The following PDE10A variants were observed in gnomAD, a reference collection of about 807,000 sequenced individuals.
The protein encoded by PDE10A is cAMP and cAMP-inhibited cGMP 3',5'-cyclic phosphodiesterase 10A.
In PDE10A, 39 loss-of-function variants were observed where a neutral mutation model predicts 97.7. The ratio of observed to expected loss-of-function variants is 0.40; its 90% CI spans 0.31 to 0.52. The LOEUF is 0.52. Among genes scored for constraint, PDE10A ranks in the 20% least tolerant of loss-of-function variants. The pLI is 0.56. For synonymous variants in PDE10A, 371 were observed against 376.8 expected, an observed-to-expected ratio of 0.98 and a Z score of 0.18; for missense variants, 731 against 1,047.8, an observed-to-expected ratio of 0.70 and a Z score of 4.17.
chr6:165,490,939 A>G (rs371371587), intron 2 of PDE10A, among the ~76,000 whole-genome samples: 2 of 152,206 alleles, frequency 1.3e-5, no homozygotes, highest in Non-Finnish European at 2.9e-5. Flanking sequence ...TGGGGCACAG[A>G]GCAAGACCCA....
intron 1 of PDE10A, among the ~76,000 whole-genome samples, chr6:165,701,647 A>ATGTGTGTGTG (rs59041111): frequency 1.1e-4 from 17 of 149,686 alleles, no homozygotes; most frequent in African/African-American, 2.5e-4. Context: ...CTCTTCATGT[A>ATGTGTGTGTG]TGTGTGTGTG....
In PDE10A at chr6:165,329,696, C is replaced by CA; in HGVS notation, c.*3328dup. 6.6e-6 allele frequency: 1 copy of CA among 151,956 alleles called. No individual in the cohort carries two copies. Among genetic ancestry groups the CA allele is most frequent in the South Asian group, 2.1e-4 (1 of 4,814 alleles). 9.4% of individuals were successfully genotyped at this position (151,956 alleles called of 1,614,324 possible). On this transcript the variant is annotated 3_prime_UTR_variant, in exon 22 of 22. Coordinates refer to ENST00000539869, the MANE Select transcript of PDE10A (RefSeq NM_001385079.1). ...ATGAAAAAAAATCTAAAAAGCATGC[C>CA]AAAAAAGAGGAAATCTATTATTGAA...
chr6:165,656,293 CA>C (rs1358014942), intron 1 of PDE10A, among the ~76,000 whole-genome samples: 7 of 136,918 alleles, frequency 5.1e-5, no homozygotes, highest in Non-Finnish European at 9.3e-5. Flanking sequence ...CACACACACA[CA>C]CACCTTTCCA....
In PDE10A at chr6:165,973,642, G is replaced by A. The variant is rs936330786; in HGVS notation, c.-615+13887C>T. 9.9e-5 allele frequency among the ~76,000 whole-genome samples: 15 copies of A among 152,184 alleles called. No homozygotes were observed. In the East Asian group the frequency reaches 1.7e-3, roughly 18 times the overall value. On this transcript the variant is annotated intron_variant, in intron 1 of 19. Coordinates refer to the PDE10A transcript ENST00000366882. ...TCTGAAGATGGCTGTGATCGCTGAA[G>A]AGGCCCCAGGGAAGAGGCAGACAGA...
At chr6:165,943,295 G>GAAGGAAGGAAAGAAAGAA (rs1562810039) in intron 1 of PDE10A, among the ~76,000 whole-genome samples, 1,376 of 54,668 alleles carry the variant, frequency 0.025, 305 homozygotes, top group African/African-American at 0.11. Context: ...AAGAAAGAAG[G>GAAGGAAGGAAAGAAAGAA]AAAGAAAGAA....
At chr6:165,985,803 C>T (rs1305888043) in intron 1 of PDE10A, among the ~76,000 whole-genome samples, 1 of 152,174 alleles carries the variant, frequency 6.6e-6, no homozygotes, top group Non-Finnish European at 1.5e-5. Context: ...AGTCAGCTGT[C>T]CCCAGTCAAT....
At chr6:165,638,988 T>C (rs1464058607) in intron 1 of PDE10A, among the ~76,000 whole-genome samples, 2 of 151,770 alleles carry the variant, frequency 1.3e-5, no homozygotes, top group African/African-American at 2.4e-5. Context: ...TTCACATTCA[T>C]TATTTCATCT....
chr6:165,331,641 G>C lies in PDE10A; in HGVS notation c.*1384C>G, dbSNP rs1781347312. 1 of 152,182 alleles carries C rather than the reference G, an allele frequency of 6.6e-6. No homozygotes were observed. The highest frequency in any genetic ancestry group is 2.4e-5 in the African/African-American group (1 of 41,440). 9.4% of individuals were successfully genotyped at this position (152,182 alleles called of 1,614,324 possible). On this transcript the variant is annotated 3_prime_UTR_variant, in exon 22 of 22. Coordinates refer to ENST00000539869, the MANE Select transcript of PDE10A (RefSeq NM_001385079.1). ...GTCTCTGTCTAATTCAGGTTTGGAG[G>C]TTACCGTGCCATTGCACTAAAAATC... is the stretch of plus-strand genomic sequence containing the variant.
intron 1 of PDE10A, among the ~76,000 whole-genome samples, chr6:165,619,399 G>C (rs201991543): frequency 0.015 from 815 of 55,484 alleles, 10 homozygotes; most frequent in Non-Finnish European, 0.018. Context: ...ATAGTGTAGT[G>C]TAGTGTAGTC....
intron 13 of PDE10A, among the ~76,000 whole-genome samples, chr6:165,403,165 G>T (rs1786806345): frequency 6.6e-6 from 1 of 152,196 alleles, no homozygotes; most frequent in African/African-American, 2.4e-5. Flanking sequence ...ACTGGCCAGT[G>T]ACTGTGAAGC....
intron 1 of PDE10A, among the ~76,000 whole-genome samples, chr6:165,593,750 T>C (rs1256088058): frequency 6.6e-6 from 1 of 152,244 alleles, no homozygotes; most frequent in Non-Finnish European, 1.5e-5. Flanking sequence ...CTATCCATCT[T>C]GTAAGGACAC....
At chr6:165,677,077 C>T (rs1277706415) in intron 1 of PDE10A, among the ~76,000 whole-genome samples, 2 of 152,240 alleles carry the variant, frequency 1.3e-5, no homozygotes, top group African/African-American at 4.8e-5. Context: ...GGCCACATGG[C>T]CTGTTGCTTG....
intron 3 of PDE10A, among the ~76,000 whole-genome samples, chr6:165,462,681 G>A (rs575379217): frequency 6.6e-6 from 1 of 152,186 alleles, no homozygotes; most frequent in South Asian, 2.1e-4. Context: ...AGATCAAGAA[G>A]CTGTCACAGA....
At chr6:165,840,934 C>T (rs905805399) in intron 1 of PDE10A, among the ~76,000 whole-genome samples, 3 of 152,174 alleles carry the variant, frequency 2.0e-5, no homozygotes, top group African/African-American at 7.2e-5. Context: ...TTGGGGATGG[C>T]CCTTCTAGAA....
intron 2 of PDE10A, among the ~76,000 whole-genome samples, chr6:165,494,474 G>A (rs1232539557): frequency 6.7e-6 from 1 of 149,266 alleles, no homozygotes; most frequent in African/African-American, 2.5e-5. Flanking sequence ...GTGTGTGTGT[G>A]TGTAATACAC....
At chr6:165,983,119 A>T (rs9348058) in intron 1 of PDE10A, among the ~76,000 whole-genome samples, 37,087 of 152,040 alleles carry the variant, frequency 0.24, 4,699 homozygotes, top group South Asian at 0.25. Context: ...ACTTCAATGG[A>T]CATCCAAGGA....
In PDE10A at chr6:165,431,416, A is replaced by T; in HGVS notation, c.1542+6T>A. The T allele has an allele frequency of 6.3e-7, 1 of 1,590,270 alleles. No individual in the cohort carries two copies. The highest frequency in any genetic ancestry group is 8.6e-7 in the Non-Finnish European group (1 of 1,165,534). ...AAGCCCCTGCAAAAACACCCCAAAG[A>T]CTCACCTGCACCTGATGTATTGCTA... On this transcript the variant is annotated splice_donor_region_variant and intron_variant, in intron 8 of 21. Transcript: ENST00000539869.
intron 1 of PDE10A, among the ~76,000 whole-genome samples, chr6:165,751,357 G>C (rs1300403947): frequency 6.6e-6 from 1 of 152,204 alleles, no homozygotes; most frequent in Non-Finnish European, 1.5e-5. Flanking sequence ...GCCTCCAGGA[G>C]AGCGTATCTG....
chr6:165,425,568 C>T (rs1789063577), intron 10 of PDE10A, among the ~76,000 whole-genome samples: 1 of 152,002 alleles, frequency 6.6e-6, no homozygotes, highest in African/African-American at 2.4e-5. Flanking sequence ...GAAAAACCCA[C>T]AAAAAAATCA....
Sources: gnomAD v4.1 joint callset for allele counts (sites outside exome capture counted in the v4.1 genomes callset) on GRCh38, gnomAD v4.1.1 for gene constraint, MANE v1.5 for transcripts, NCBI Gene and HGNC (gene_info 2026-07-23, HGNC 2026-07-21) for gene names.